Variants in ARHGAP6 observed in about 807,000 individuals in gnomAD.
ARHGAP6 encodes rho GTPase-activating protein 6.
In ARHGAP6, 16 loss-of-function variants were observed where a neutral mutation model predicts 55.7. That is an observed-to-expected ratio of 0.29 (90% CI 0.19 to 0.44). The LOEUF (loss-of-function observed/expected upper bound fraction) is 0.44, where lower values mean the gene tolerates loss of function less well. Ranked by LOEUF, ARHGAP6 falls within the 20% of genes least tolerant of loss-of-function variation. The pLI is 1.00. For synonymous variants in ARHGAP6, 382 were observed against 360.9 expected (o/e 1.06, Z -0.66); for missense variants, 698 against 808.9 (o/e 0.86, Z 1.66).
chrX:11,609,754 T>C (rs779453410), intron 1 of ARHGAP6, among the ~76,000 whole-genome samples: 1 of 111,944 alleles, frequency 8.9e-6, no homozygotes, highest in South Asian at 3.8e-4. Context: ...ATTGTGAGGA[T>C]CAGAGATAAG....
intron 1 of ARHGAP6, among the ~76,000 whole-genome samples, chrX:11,642,361 C>A (rs1425215152): frequency 1.8e-5 from 2 of 111,670 alleles, no homozygotes; most frequent in Admixed American, 9.5e-5. Flanking sequence ...GAAAAATCAA[C>A]TATCATATTT....
intron 1 of ARHGAP6, among the ~76,000 whole-genome samples, chrX:11,407,966 C>T (rs1444112703): frequency 9.0e-6 from 1 of 110,894 alleles, no homozygotes; most frequent in Non-Finnish European, 1.9e-5. Context: ...TAATCTTAAG[C>T]CTGGGATTTG....
chrX:11,352,490 G>C (rs935981861), intron 1 of ARHGAP6, among the ~76,000 whole-genome samples: 1 of 111,839 alleles, frequency 8.9e-6, no homozygotes, highest in Non-Finnish European at 1.9e-5. Context: ...GACCAAATTA[G>C]GGCATGAAAA....
Position 11,384,280 on chromosome X carries a change from G to C in ARHGAP6, c.589-129573C>G, listed in dbSNP as rs145498066. On this transcript the variant is annotated intron_variant, in intron 1 of 12. Coordinates refer to ENST00000337414, the MANE Select transcript of ARHGAP6 (RefSeq NM_013427.3). The stretch of plus-strand genomic sequence containing the variant: ...TGAAAAGTAGTTGATTCCATGTCTT[G>C]TGGCAGGAAAAACCAGGATGAGTCT... 7.2e-5 allele frequency among the ~76,000 whole-genome samples: 8 copies of C among 111,867 alleles called. No individual in the cohort carries two copies. In the East Asian group the frequency reaches 2.2e-3, roughly 31 times the overall value.
chrX:11,478,574 A>T (rs930611145), intron 1 of ARHGAP6, among the ~76,000 whole-genome samples: 2 of 111,664 alleles, frequency 1.8e-5, no homozygotes, highest in Non-Finnish European at 3.8e-5. Flanking sequence ...GGTGATGGAG[A>T]TGTTTTATAT....
intron 5 of ARHGAP6, 86 bp downstream of exon 5, chrX:11,186,150 C>T: frequency 1.1e-6 from 1 of 887,662 alleles, no homozygotes; most frequent in Non-Finnish European, 1.6e-6. Flanking sequence ...ATCATTTGAT[C>T]AAGCAGAATT....
chrX:11,610,226 A>G (rs1191248279), intron 1 of ARHGAP6, among the ~76,000 whole-genome samples: 1 of 109,655 alleles, frequency 9.1e-6, no homozygotes, highest in Non-Finnish European at 1.9e-5. Context: ...ATTGGACCTA[A>G]AAGGACATCT....
Position 11,358,266 on chromosome X carries a change from T to G in ARHGAP6, c.589-103559A>C, listed in dbSNP as rs145699570. On this transcript the variant is annotated intron_variant, in intron 1 of 12. Transcript: ENST00000337414. ...GTATTGATATATCACATTTGTTTAT[T>G]TGTTGATGAACATTTGGATTGTTTT... 3.0e-3 allele frequency among the ~76,000 whole-genome samples: 336 copies of G among 111,942 alleles called. 3 individuals carry two copies. Among genetic ancestry groups the G allele is most frequent in the African/African-American group, 0.01 (322 of 30,841 alleles).
chrX:11,446,142 A>C (rs1268845532), intron 1 of ARHGAP6, among the ~76,000 whole-genome samples: 1 of 112,177 alleles, frequency 8.9e-6, no homozygotes, highest in African/African-American at 3.2e-5. Context: ...AATTATTGTT[A>C]ATGATTTGTT....
At chrX:11,365,946 G>C (rs2049071412) in intron 1 of ARHGAP6, among the ~76,000 whole-genome samples, 1 of 112,224 alleles carries the variant, frequency 8.9e-6, no homozygotes, top group East Asian at 2.8e-4. Context: ...TTCTGATGAG[G>C]GATCTCCTCC....
intron 1 of ARHGAP6, among the ~76,000 whole-genome samples, chrX:11,506,100 T>A (rs898005908): frequency 2.7e-5 from 3 of 111,088 alleles, no homozygotes; most frequent in Non-Finnish European, 5.7e-5. Flanking sequence ...CTATGCAACC[T>A]ACAAGACCCT....
chrX:11,567,962 T>C (rs1322379104), intron 1 of ARHGAP6, among the ~76,000 whole-genome samples: 1 of 111,827 alleles, frequency 8.9e-6, no homozygotes, highest in Non-Finnish European at 1.9e-5. Context: ...ATAGGTGGCA[T>C]GAGTCACCAT....
chrX:11,246,072 T>G (rs2047348797), intron 2 of ARHGAP6, among the ~76,000 whole-genome samples: 1 of 110,965 alleles, frequency 9.0e-6, no homozygotes, highest in African/African-American at 3.3e-5. Context: ...GTAGATAGAA[T>G]AGAGGAGAAG....
rs1017437341 is a variant in ARHGAP6 at position 11,298,367 on chromosome X, T to G, written c.589-43660A>C. Reference sequence around the variant, plus strand: ...AGTGAAATATCATGTCTACTCCACATGCAGACATTAATGGGAAATTTAGTT... The same window carrying G: ...AGTGAAATATCATGTCTACTCCACAGGCAGACATTAATGGGAAATTTAGTT... On this transcript the variant is annotated intron_variant, in intron 1 of 12. Transcript: ENST00000337414. 4 of 1,103,059 alleles carry G rather than the reference T, an allele frequency of 3.6e-6. No individual in the cohort carries two copies. In the African/African-American group the frequency reaches 7.3e-5, roughly 20 times the overall value. The allele number at this position is 1,103,059 out of a possible 1,213,427, so 90.9% of individuals were successfully genotyped here.
chrX:11,185,596 A>T (rs2046377052), intron 5 of ARHGAP6, among the ~76,000 whole-genome samples: 1 of 112,145 alleles, frequency 8.9e-6, no homozygotes, highest in South Asian at 3.7e-4. Flanking sequence ...TAGCATACAA[A>T]CTTAGTTTAT....
intron 1 of ARHGAP6, among the ~76,000 whole-genome samples, chrX:11,497,546 T>TCCCCCC (rs2050634960): frequency 6.3e-5 from 2 of 31,934 alleles, no homozygotes; most frequent in African/African-American, 2.6e-4. Context: ...CCCACCCCCT[T>TCCCCCC]CCCCCTCCCT....
In ARHGAP6 at chrX:11,186,246, T is replaced by C. The variant is rs1458047012; in HGVS notation, c.1263A>G (p.Leu421=). Residue 421 remains leucine, a synonymous_variant, in exon 5 of 13, where the codon CTA becomes CTG. Transcript: ENST00000337414. ...GACAAGTCTACTTACCATGTTTTTCTAGGTGCTGACAGCAGCTGTCCACCA... is the reference window on the plus strand; with the variant it reads ...GACAAGTCTACTTACCATGTTTTTCCAGGTGCTGACAGCAGCTGTCCACCA... ...PRLVDSCCQH[L]EKHGLQTVGI... The C allele has an allele frequency of 1.1e-5, 13 of 1,209,211 alleles. No individual in the cohort carries two copies. Among genetic ancestry groups the C allele is most frequent in the African/African-American group, 1.7e-5 (1 of 57,720 alleles).
chrX:11,514,838 GCACACACACACACA>G (rs71928650), intron 1 of ARHGAP6, among the ~76,000 whole-genome samples: 5 of 96,254 alleles, frequency 5.2e-5, no homozygotes, highest in African/African-American at 1.2e-4. Context: ...TCTATGCATT[GCACACACACACACA>G]CACACACACA....
rs1331844729 is a variant in ARHGAP6 at position 11,664,599 on chromosome X, G to C, written c.230C>G (p.Pro77Arg). ...ACCCCGGGAAGAGGACGCCAAGCGA[G>C]GGCCGAGACTCTCGGCTGGGAGTGA... ...SPSLPAESLG[P>R]RLASSSRGPP... Residue 77 changes from proline (P) to arginine (R), a missense_variant, in exon 1 of 13, where the codon CCT becomes CGT. This residue lies in a region of ARHGAP6 where 164 missense variants were observed against 149.2 expected (regional missense o/e 1.10). Transcript: ENST00000337414. 2.1e-5 allele frequency: 25 copies of C among 1,174,314 alleles called. No homozygotes were observed. Among genetic ancestry groups the C allele is most frequent in the Non-Finnish European group, 2.9e-5 (25 of 876,797 alleles).
Sources: gnomAD v4.1 joint callset for allele counts (sites outside exome capture counted in the v4.1 genomes callset) on GRCh38, gnomAD v4.1.1 for gene constraint, gnomAD v4.1.1 regional missense constraint, MANE v1.5 for transcripts, NCBI Gene and HGNC (gene_info 2026-07-23, HGNC 2026-07-21) for gene names.